The following MDM1 variants were observed in gnomAD, a reference collection of about 807,000 sequenced individuals.
The protein encoded by MDM1 is stabilizer of axonemal microtubules 6, also known as Mdm1 nuclear protein.
In MDM1, 61 loss-of-function variants were observed where a neutral mutation model predicts 89.1. The observed-to-expected ratio is 0.68, with a 90% CI of 0.56 to 0.85. The LOEUF is 0.85. Among genes scored for constraint, MDM1 ranks in the 40% least tolerant of loss-of-function variants. The pLI is 0.00. For missense variants in MDM1, 820 were observed against 846.5 expected (o/e 0.97, Z 0.39); for synonymous variants, 290 against 294.1 (o/e 0.99, Z 0.14).
At position 68,323,034 on chromosome 12, in the gene MDM1, C is replaced by T. The variant is rs77346998; in HGVS notation, c.801+39G>A. On this transcript the variant is annotated intron_variant, in intron 5 of 14. Transcript: ENST00000682720. ...CGAAAACGTGGAGAATCTAAAATAA[C>T]GGGGATTTTGTTTTGTAAGGTTAAA... is the stretch of plus-strand genomic sequence containing the variant. 3.4e-4 allele frequency: 532 copies of T among 1,559,596 alleles called. 1 individual carries two copies. In the African/African-American group the frequency reaches 6.6e-3, roughly 19 times the overall value.
chr12:68,330,914 G>C, intron 2 of MDM1, 193 bp downstream of exon 2: 1 of 545,864 alleles, frequency 1.8e-6, no homozygotes, highest in Non-Finnish European at 3.3e-6. Flanking sequence ...TAGCTGCTGG[G>C]AATAGTCCTG....
chr12:68,309,969 T>C lies in MDM1; in HGVS notation c.1749+3474A>G, dbSNP rs115415955. On this transcript the variant is annotated intron_variant, in intron 12 of 14. Coordinates refer to ENST00000682720, the MANE Select transcript of MDM1 (RefSeq NM_001354969.2). ...TAATAAACTTGTGTACGTATGTACA[T>C]ATGTATGTATTTATTGGTTTGGAGA... Among the ~76,000 whole-genome samples the C allele has an allele frequency of 3.1e-3, 474 of 152,304 alleles. 4 individuals carry two copies. Among genetic ancestry groups the C allele is most frequent in the African/African-American group, 0.011 (448 of 41,556 alleles).
chr12:68,296,809 A>G (rs1374347413), intron 14 of MDM1, 114 bp downstream of exon 14: 2 of 621,244 alleles, frequency 3.2e-6, no homozygotes, highest in Non-Finnish European at 5.1e-6. Flanking sequence ...TCAAGGATCT[A>G]ATGAAAAATC....
chr12:68,327,455 G>A (rs985819928), intron 2 of MDM1: 10 of 1,535,950 alleles, frequency 6.5e-6, no homozygotes, highest in African/African-American at 1.4e-5. Flanking sequence ...AGACCAAGAT[G>A]AGAAGGGATG....
At chr12:68,307,991 C>T (rs1302282624) in intron 12 of MDM1, among the ~76,000 whole-genome samples, 2 of 149,216 alleles carry the variant, frequency 1.3e-5, no homozygotes, top group East Asian at 4.0e-4. Context: ...AAAAGAATAA[C>T]ATCTAAGATC....
At chr12:68,298,173 C>A (rs73138189) in intron 13 of MDM1, among the ~76,000 whole-genome samples, 15,282 of 152,130 alleles carry the variant, frequency 0.1, 1,056 homozygotes, top group Non-Finnish European at 0.16. Context: ...AACGCTGTGC[C>A]CAGAAAACCA....
chr12:68,329,070 T>C (rs547859932), intron 2 of MDM1, among the ~76,000 whole-genome samples: 1 of 152,324 alleles, frequency 6.6e-6, no homozygotes, highest in East Asian at 1.9e-4. Flanking sequence ...TCCAGTGTCA[T>C]AATAGCCCTG....
rs1872375030 is a variant in MDM1 at position 68,302,841 on chromosome 12, G to A, written c.1781C>T (p.Ser594Phe). Residue 594 changes from serine to phenylalanine, a missense_variant, in exon 13 of 15, where the codon TCT becomes TTT. Coordinates refer to ENST00000682720, the MANE Select transcript of MDM1 (RefSeq NM_001354969.2). ...KESRAVSLLT[S>F]PAAGIKTVDP... The stretch of plus-strand genomic sequence containing the variant: ...AACTGTTTTTATACCAGCAGCTGGA[G>A]AAGTCAGTAGGGATACAGCACGACT... The A allele has an allele frequency of 1.3e-6, 2 of 1,517,294 alleles. No individual in the cohort carries two copies. Among genetic ancestry groups the A allele is most frequent in the South Asian group, 1.1e-5 (1 of 88,560 alleles). The allele number at this position is 1,517,294 out of a possible 1,614,324, so 94.0% of individuals were successfully genotyped here.
intron 7 of MDM1, among the ~76,000 whole-genome samples, chr12:68,319,641 A>G (rs561215114): frequency 2.5e-4 from 38 of 152,360 alleles, no homozygotes; most frequent in African/African-American, 9.1e-4. Context: ...GTTATCATCA[A>G]TGATCACTGA....
intron 3 of MDM1, chr12:68,326,160 C>A (rs575924506): frequency 9.7e-7 from 1 of 1,034,678 alleles, no homozygotes; most frequent in East Asian, 8.3e-5. Flanking sequence ...CTCACAGGGA[C>A]CTGCTGCAGG....
At chr12:68,302,553 T>TA (rs971942915) in intron 13 of MDM1, 67 bp downstream of exon 13, 5 of 1,316,348 alleles carry the variant, frequency 3.8e-6, no homozygotes, top group Middle Eastern at 1.9e-4. Flanking sequence ...AATGCATTCT[T>TA]AGACTTTGTA....
intron 12 of MDM1, 46 bp downstream of exon 12, chr12:68,313,397 A>C: frequency 7.7e-7 from 1 of 1,303,032 alleles, no homozygotes; most frequent in Non-Finnish European, 1.1e-6. Context: ...TGTGTCTACA[A>C]TAATTAGTCC....
At chr12:68,322,725 CT>C (rs1875398889) in intron 5 of MDM1, among the ~76,000 whole-genome samples, 1 of 152,218 alleles carries the variant, frequency 6.6e-6, no homozygotes, top group Non-Finnish European at 1.5e-5. Flanking sequence ...ACTGTTACCC[CT>C]GGAGGTTACT....
intron 14 of MDM1, 117 bp downstream of exon 14, chr12:68,296,806 T>C (rs1592935217): frequency 1.7e-6 from 1 of 603,142 alleles, no homozygotes; most frequent in East Asian, 3.2e-5. Context: ...GTTTCAAGGA[T>C]CTAATGAAAA....
chr12:68,325,064 T>C (rs1007712453), intron 4 of MDM1: 3 of 963,756 alleles, frequency 3.1e-6, no homozygotes, highest in African/African-American at 3.5e-5. Flanking sequence ...TTTCTTAGAA[T>C]ACAGGAAACA....
At chr12:68,312,178 G>C (rs1580342) in intron 12 of MDM1, among the ~76,000 whole-genome samples, 27,991 of 151,848 alleles carry the variant, frequency 0.18, 2,916 homozygotes, top group Admixed American at 0.26. Flanking sequence ...ACCCACCTAA[G>C]CTATAAAGAG....
In MDM1 at chr12:68,305,035, T is replaced by G. The variant is rs535912174; in HGVS notation, c.1750-2163A>C. Among the ~76,000 whole-genome samples the G allele has an allele frequency of 1.8e-4, 27 of 152,346 alleles. 1 individual carries two copies. Among genetic ancestry groups the G allele is most frequent in the Non-Finnish European group, 4.4e-5 (3 of 68,028 alleles). ...GAATATTGGTCTACAGTTTTCTTTT[T>G]TTGTTGTTGTGTCCTTGCCAGATTT... On this transcript the variant is annotated intron_variant, in intron 12 of 14. Coordinates refer to ENST00000682720, the MANE Select transcript of MDM1 (RefSeq NM_001354969.2).
chr12:68,322,658 A>C (rs1875390086), intron 5 of MDM1, among the ~76,000 whole-genome samples: 1 of 152,172 alleles, frequency 6.6e-6, no homozygotes, highest in Non-Finnish European at 1.5e-5. Flanking sequence ...AAAATAAAAT[A>C]CATATAAGTA....
chr12:68,326,513 C>T, intron 3 of MDM1, 144 bp downstream of exon 3: 2 of 1,565,858 alleles, frequency 1.3e-6, no homozygotes, highest in African/African-American at 1.4e-5. Context: ...AAGTCAACAG[C>T]CTGTTATCAA....
Sources: allele counts gnomAD v4.1 joint callset (sites outside exome capture counted in the v4.1 genomes callset), GRCh38; gene constraint gnomAD v4.1.1; transcripts MANE v1.5; gene names NCBI Gene and HGNC (gene_info 2026-07-23, HGNC 2026-07-21).